Variants in TTC6 observed in about 807,000 individuals in gnomAD.
The protein encoded by TTC6 is tetratricopeptide repeat protein 6.
A neutral mutation model predicts 210.4 loss-of-function variants in TTC6; 172 were observed. That is an observed-to-expected ratio of 0.82 (90% CI 0.72 to 0.93). The LOEUF is 0.93. Ranked by LOEUF, TTC6 falls within the 40% of genes least tolerant of loss-of-function variation. The pLI is 0.00. For synonymous variants in TTC6, 804 were observed against 819.6 expected (o/e 0.98, Z 0.32); for missense variants, 2,414 against 2,318.1 (o/e 1.04, Z -0.85).
chr14:37,622,765 G>C (rs1354742723), exon 1 of TTC6: 1 of 1,534,902 alleles, frequency 6.5e-7, no homozygotes, highest in Admixed American at 2.0e-5. Context: ...GTGAGCGAGA[G>C]CGGGGCCCGC....
intron 14 of TTC6, among the ~76,000 whole-genome samples, chr14:37,759,553 C>T (rs939617493): frequency 3.3e-5 from 5 of 152,108 alleles, no homozygotes; most frequent in South Asian, 2.1e-4. Flanking sequence ...TGGCCTGTTT[C>T]GCTAGATTGC....
intron 25 of TTC6, among the ~76,000 whole-genome samples, chr14:37,816,281 A>G (rs2096141565): frequency 6.6e-6 from 1 of 151,784 alleles, no homozygotes; most frequent in South Asian, 2.1e-4. Context: ...TCCCTCTTCC[A>G]CCCCCAATAA....
At chr14:37,674,264 A>T (rs1258340854) in intron 1 of TTC6, among the ~76,000 whole-genome samples, 1 of 151,860 alleles carries the variant, frequency 6.6e-6, no homozygotes, top group East Asian at 1.9e-4. Context: ...TGTCTGAATA[A>T]CTCTACAGAT....
chr14:37,609,238 C>T (rs2095630365), intron 2 of TTC6, among the ~76,000 whole-genome samples: 1 of 151,830 alleles, frequency 6.6e-6, no homozygotes, highest in Non-Finnish European at 1.5e-5. Context: ...GTGTAGAGAC[C>T]CCTGTCTCTA....
At chr14:37,681,140 A>G (rs1348744727) in intron 2 of TTC6, among the ~76,000 whole-genome samples, 2 of 152,158 alleles carry the variant, frequency 1.3e-5, no homozygotes, top group Non-Finnish European at 2.9e-5. Flanking sequence ...GTATGTGGAT[A>G]TATCAATTAG....
exon 10 of TTC6, chr14:37,739,010 A>T: frequency 6.5e-7 from 1 of 1,535,590 alleles, no homozygotes; most frequent in Non-Finnish European, 8.7e-7. Context: ...TCTCTCTTTG[A>T]CTCTCATTGA....
chr14:37,795,474 T>C, intron 18 of TTC6, 122 bp downstream of exon 20: 1 of 543,260 alleles, frequency 1.8e-6, no homozygotes, highest in Non-Finnish European at 3.0e-6. Flanking sequence ...TCCCAGCAAT[T>C]GCCATTTCCC....
upstream of TTC6, chr14:37,621,928 G>A: frequency 1.7e-6 from 1 of 583,242 alleles, no homozygotes. Context: ...TGTGCCTCAG[G>A]GAGCACGGTG....
At chr14:37,601,879 T>G (rs2095616203) in intron 1 of TTC6, among the ~76,000 whole-genome samples, 1 of 152,224 alleles carries the variant, frequency 6.6e-6, no homozygotes, top group Non-Finnish European at 1.5e-5. Flanking sequence ...CACCTTTCAA[T>G]AGCAGATATT....
chr14:37,663,126 C>A (rs1346160643), intron 1 of TTC6, among the ~76,000 whole-genome samples: 1 of 151,982 alleles, frequency 6.6e-6, no homozygotes, highest in African/African-American at 2.4e-5. Context: ...AGCTGTATTC[C>A]TGTATTCCTA....
At chr14:37,604,048 T>C (rs1204570097) in intron 1 of TTC6, among the ~76,000 whole-genome samples, 1 of 152,212 alleles carries the variant, frequency 6.6e-6, no homozygotes, top group Non-Finnish European at 1.5e-5. Flanking sequence ...GGACATGTAG[T>C]GTCAGGGGCT....
chr14:37,775,348 T>C (rs1382021892), intron 14 of TTC6, among the ~76,000 whole-genome samples: 1 of 152,208 alleles, frequency 6.6e-6, no homozygotes, highest in African/African-American at 2.4e-5. Context: ...TTCCTAAGTT[T>C]CTAATGTGGG....
chr14:37,676,023 T>A (rs1340200034), intron 1 of TTC6, among the ~76,000 whole-genome samples: 1 of 152,042 alleles, frequency 6.6e-6, no homozygotes, highest in Non-Finnish European at 1.5e-5. Flanking sequence ...TGCTGTGACT[T>A]CCAGAATATT....
At chr14:37,790,360 C>A (rs1376919262) in intron 15 of TTC6, among the ~76,000 whole-genome samples, 2 of 152,110 alleles carry the variant, frequency 1.3e-5, no homozygotes, top group African/African-American at 4.8e-5. Context: ...GAGTTGGATT[C>A]TAGGCCAGTC....
At chr14:37,833,054 C>CAAAA (rs35167770) in intron 29 of TTC6, among the ~76,000 whole-genome samples, 10 of 131,606 alleles carry the variant, frequency 7.6e-5, no homozygotes, top group African/African-American at 1.1e-4. Context: ...GAGACTCCAT[C>CAAAA]AAAAAAAAAA....
intron 14 of TTC6, among the ~76,000 whole-genome samples, chr14:37,771,733 T>G (rs1243687666): frequency 6.6e-6 from 1 of 152,184 alleles, no homozygotes; most frequent in Non-Finnish European, 1.5e-5. Context: ...TTTCAACTTC[T>G]TTGTCTTTGG....
intron 9 of TTC6, 85 bp downstream of exon 11, chr14:37,737,819 A>T: frequency 1.7e-6 from 1 of 599,978 alleles, no homozygotes; most frequent in Non-Finnish European, 2.7e-6. Context: ...TTTTAAAAGC[A>T]TCTACTTCTA....
At chr14:37,654,126 C>G (rs946772369) in intron 1 of TTC6, among the ~76,000 whole-genome samples, 5 of 152,000 alleles carry the variant, frequency 3.3e-5, no homozygotes, top group Admixed American at 3.3e-4. Flanking sequence ...AATGTAATCC[C>G]CAATACTGAA....
intron 26 of TTC6, among the ~76,000 whole-genome samples, chr14:37,820,795 G>T (rs8007708): frequency 0.92 from 139,949 of 152,192 alleles, 64,673 homozygotes; most frequent in Non-Finnish European, 0.97. Context: ...GAATGACTAT[G>T]ATTCCTGATA....
Sources: gnomAD v4.1 joint callset for allele counts (sites outside exome capture counted in the v4.1 genomes callset) on GRCh38, gnomAD v4.1.1 for gene constraint, MANE v1.5 for transcripts, NCBI Gene and HGNC (gene_info 2026-07-23, HGNC 2026-07-21) for gene names.